The following FAM184B variants were observed in gnomAD, a reference collection of about 807,000 sequenced individuals.
The protein encoded by FAM184B is protein FAM184B.
Under a neutral mutation model 135.9 loss-of-function variants are expected in FAM184B, and 111 were observed. That is an observed-to-expected ratio of 0.82 (90% CI 0.70 to 0.96). The LOEUF (loss-of-function observed/expected upper bound fraction) is 0.96. FAM184B is among the 40% of genes least tolerant of loss of function. FAM184B has a pLI of 0.00. For missense variants in FAM184B, 1,375 were observed against 1,323.9 expected, an observed-to-expected ratio of 1.04 and a Z score of -0.60; for synonymous variants, 552 against 524.8, an observed-to-expected ratio of 1.05 and a Z score of -0.71.
chr4:17,680,355 T>C (rs1407940070), intron 7 of FAM184B, among the ~76,000 whole-genome samples: 1 of 152,180 alleles, frequency 6.6e-6, no homozygotes, highest in Non-Finnish European at 1.5e-5. Context: ...ATAATAGTTC[T>C]CTCTTGTGAA....
intron 5 of FAM184B, among the ~76,000 whole-genome samples, chr4:17,696,892 G>C (rs1223239001): frequency 6.6e-6 from 1 of 152,180 alleles, no homozygotes; most frequent in Non-Finnish European, 1.5e-5. Context: ...GGACAGGGGA[G>C]AGGTGTGGGA....
chr4:17,760,083 C>T (rs555879078), intron 1 of FAM184B, among the ~76,000 whole-genome samples: 2 of 152,246 alleles, frequency 1.3e-5, no homozygotes, highest in African/African-American at 2.4e-5. Flanking sequence ...TACAAATTAT[C>T]ACCTGAGCCT....
At chr4:17,710,466 C>T (rs1471646106) in intron 1 of FAM184B, among the ~76,000 whole-genome samples, 2 of 152,010 alleles carry the variant, frequency 1.3e-5, no homozygotes. Flanking sequence ...TCAATAGACA[C>T]AGAAAAAAAT....
intron 1 of FAM184B, among the ~76,000 whole-genome samples, chr4:17,728,824 C>T (rs572100970): frequency 6.6e-6 from 1 of 152,278 alleles, no homozygotes; most frequent in South Asian, 2.1e-4. Flanking sequence ...GCGTGAGCGA[C>T]ACAGAAGACA....
chr4:17,708,664 T>C (rs1207288456), intron 2 of FAM184B, among the ~76,000 whole-genome samples: 2 of 2,364 alleles, frequency 8.5e-4, no homozygotes, highest in Admixed American at 7.6e-3. Context: ...GAAACAAAAC[T>C]ATATATATAT....
Position 17,739,555 on chromosome 4 carries a change from G to GTTTTTTTTGTTTTTT in FAM184B, c.142-29912_142-29911insAAAAAACAAAAAAAA, listed in dbSNP as rs1717980874. On this transcript the variant is annotated intron_variant, in intron 1 of 17. Transcript: ENST00000265018. The stretch of plus-strand genomic sequence containing the variant: ...CCCTACACCATATGTCATACCAACT[G>GTTTTTTTTGTTTTTT]TTTTTTTTTTTTTTTTGAGATGGGG... Among the ~76,000 whole-genome samples the GTTTTTTTTGTTTTTT allele has an allele frequency of 3.2e-5, 2 of 62,510 alleles. 1 individual carries two copies. The highest frequency in any genetic ancestry group is 1.2e-3 in the East Asian group (2 of 1,702). 41.0% of individuals were successfully genotyped at this position (62,510 alleles called of 152,430 possible).
rs1182682495 is a variant in FAM184B at position 17,714,268 on chromosome 4, C to T, written c.142-4624G>A. On this transcript the variant is annotated intron_variant, in intron 1 of 17. Transcript: ENST00000265018. ...CTAGCTCCTTTCATTTAGGTGAGGT[C>T]CTATGACTGGTGATTGCCAATGGAA... Among the ~76,000 whole-genome samples the T allele has an allele frequency of 2.6e-5, 4 of 152,278 alleles. No homozygotes were observed. In the East Asian group the frequency reaches 5.8e-4, roughly 22 times the overall value.
intron 1 of FAM184B, among the ~76,000 whole-genome samples, chr4:17,750,645 T>C (rs979596743): frequency 6.6e-6 from 1 of 152,182 alleles, no homozygotes; most frequent in Non-Finnish European, 1.5e-5. Context: ...TTGCCAAATG[T>C]CCCCAGGGGG....
At chr4:17,774,590 A>AT (rs1184759087) in intron 1 of FAM184B, among the ~76,000 whole-genome samples, 1 of 152,186 alleles carries the variant, frequency 6.6e-6, no homozygotes, top group African/African-American at 2.4e-5. Flanking sequence ...TTACTGTTCC[A>AT]TCCTTCAATT....
rs140983673 is a variant in FAM184B at position 17,659,924 on chromosome 4, G to A, written c.1824+34C>T. The A allele has an allele frequency of 5.6e-5, 87 of 1,547,730 alleles. No individual in the cohort carries two copies. The East Asian group carries it at 2.1e-3, about 38-fold the overall frequency. ...GTAAAAAGGAGGGGGCAGGATCTCAGGAAGGGGGCACATCCCCACCAGGGT... is the reference window on the plus strand; with the variant it reads ...GTAAAAAGGAGGGGGCAGGATCTCAAGAAGGGGGCACATCCCCACCAGGGT... On this transcript the variant is annotated intron_variant, in intron 9 of 17. Coordinates refer to ENST00000265018, the MANE Select transcript of FAM184B (RefSeq NM_015688.2).
intron 1 of FAM184B, among the ~76,000 whole-genome samples, chr4:17,729,630 C>A (rs983582445): frequency 2.6e-5 from 4 of 152,250 alleles, no homozygotes; most frequent in Non-Finnish European, 5.9e-5. Context: ...TCTGCAGCCA[C>A]TGCTGCTGAT....
At chr4:17,660,657 A>G (rs891131878) in intron 8 of FAM184B, among the ~76,000 whole-genome samples, 2 of 151,914 alleles carry the variant, frequency 1.3e-5, no homozygotes, top group African/African-American at 4.8e-5. Flanking sequence ...TGCATTCTAG[A>G]TAAGATGCTG....
intron 1 of FAM184B, among the ~76,000 whole-genome samples, chr4:17,747,648 G>T (rs1718195373): frequency 6.6e-6 from 1 of 152,000 alleles, no homozygotes; most frequent in Non-Finnish European, 1.5e-5. Context: ...AAGGCCGGGA[G>T]CGGTGGCTCA....
At position 17,705,967 on chromosome 4, in the gene FAM184B, C is replaced by A. The variant is rs929300220; in HGVS notation, c.1031-76G>T. Reference sequence around the variant, plus strand: ...TTGTTCAAGGCTTTCTGCTGTCAGGCCCCCGTTCCGCTTTACAACCACTTT... The same window carrying A: ...TTGTTCAAGGCTTTCTGCTGTCAGGACCCCGTTCCGCTTTACAACCACTTT... On this transcript the variant is annotated intron_variant, in intron 3 of 17. Transcript: ENST00000265018. 5.8e-5 allele frequency: 88 copies of A among 1,524,916 alleles called. No individual in the cohort carries two copies. In the African/African-American group the frequency reaches 6.5e-4, roughly 11 times the overall value. The allele number at this position is 1,524,916 out of a possible 1,614,324, so 94.5% of individuals were successfully genotyped here. A position where few individuals can be genotyped will look rare whatever the true frequency, so the allele number is the denominator to read the frequency against.
intron 7 of FAM184B, among the ~76,000 whole-genome samples, chr4:17,683,883 C>T (rs1029216473): frequency 1.3e-5 from 2 of 151,596 alleles, no homozygotes; most frequent in African/African-American, 4.8e-5. Flanking sequence ...TGAGACCAGC[C>T]TGGACAGCAT....
At chr4:17,693,661 A>C (rs1386963042) in intron 5 of FAM184B, among the ~76,000 whole-genome samples, 1 of 152,256 alleles carries the variant, frequency 6.6e-6, no homozygotes, top group Non-Finnish European at 1.5e-5. Flanking sequence ...TGTCAAATAA[A>C]AAAATGCTCA....
chr4:17,733,347 C>T (rs1274020921), intron 1 of FAM184B, among the ~76,000 whole-genome samples: 2 of 152,044 alleles, frequency 1.3e-5, no homozygotes, highest in Non-Finnish European at 1.5e-5. Context: ...GGTAATCAGG[C>T]AGGAGACAGA....
intron 1 of FAM184B, among the ~76,000 whole-genome samples, chr4:17,746,743 AAAG>A (rs1481035857): frequency 1.3e-5 from 2 of 150,760 alleles, no homozygotes; most frequent in Non-Finnish European, 3.0e-5. Context: ...AAAAAAAAAA[AAAG>A]TAGATTCCTG....
In FAM184B at chr4:17,705,756, A is replaced by C; in HGVS notation, c.1166T>G (p.Met389Arg). 6.4e-7 allele frequency: 1 copy of C among 1,551,722 alleles called. No individual in the cohort carries two copies. Among genetic ancestry groups the C allele is most frequent in the South Asian group, 1.2e-5 (1 of 84,058 alleles). Reference protein sequence around the residue: ...ECPCMKGGTDMQTKKEASAET... With the variant: ...ECPCMKGGTDRQTKKEASAET... Reference sequence around the variant, plus strand: ...CAGGGCTGGGTCAGACACTACCTGCATATCTGTGCCTCCTTTCATGCAAGG... The same window carrying C: ...CAGGGCTGGGTCAGACACTACCTGCCTATCTGTGCCTCCTTTCATGCAAGG... Residue 389 changes from methionine (M) to arginine (R), a missense_variant, in exon 4 of 18, where the codon ATG (methionine) becomes AGG (arginine). Physicochemically the swap from Met to Arg is moderately conservative, Grantham distance 91. Transcript: ENST00000265018.
Sources: allele counts gnomAD v4.1 joint callset (sites outside exome capture counted in the v4.1 genomes callset), GRCh38; gene constraint gnomAD v4.1.1; transcripts MANE v1.5; gene names NCBI Gene and HGNC (gene_info 2026-07-23, HGNC 2026-07-21).